Variants in EYA1 observed in about 807,000 individuals in gnomAD.
The protein encoded by EYA1 is EYA transcriptional coactivator and phosphatase 1.
In EYA1, 16 loss-of-function variants were observed where a neutral mutation model predicts 82.0. That is an observed-to-expected ratio of 0.20 (90% confidence interval 0.13 to 0.30). The LOEUF (loss-of-function observed/expected upper bound fraction) is 0.30. Ranked by LOEUF, EYA1 falls within the 10% of genes least tolerant of loss-of-function variation. The probability of loss-of-function intolerance (pLI) is 1.00; values close to 1 mark genes in which losing one functional copy is unlikely to be tolerated. For synonymous variants in EYA1, 261 were observed against 264.4 expected (o/e 0.99, Z 0.12); for missense variants, 633 against 730.7 (o/e 0.87, Z 1.54).
rs151264014 is a variant in EYA1 at position 71,214,087 on chromosome 8, G to A, written c.1597+1300C>T. 5.3e-3 allele frequency among the ~76,000 whole-genome samples: 809 copies of A among 152,212 alleles called. 10 individuals carry two copies. Among genetic ancestry groups the A allele is most frequent in the African/African-American group, 0.018 (761 of 41,528 alleles). ...AAGCACAGGAAGTGTAAAAGTGCAG[G>A]CAAACGGAAGTTAGACCTACAGGGA... On this transcript the variant is annotated intron_variant, in intron 16 of 17. Transcript: ENST00000340726.
At position 71,432,205 on chromosome 8, in the gene EYA1, C is replaced by T. The variant is rs999787786; in HGVS notation, c.34-75694G>A. 1.1e-3 allele frequency among the ~76,000 whole-genome samples: 160 copies of T among 152,114 alleles called. 1 individual carries two copies. The highest frequency in any genetic ancestry group is 3.5e-3 in the African/African-American group (145 of 41,476). On this transcript the variant is annotated intron_variant, in intron 2 of 18. Coordinates refer to the EYA1 transcript ENST00000643681. ...CTGTTCTGTTTTGCTTATTTGTATG[C>T]ATAGAACCTAGAGCAATGCTCTACA... is the stretch of plus-strand genomic sequence containing the variant.
rs1473798834 is a variant in EYA1, at chr8:71,197,574, A to G, written c.*1766T>C. The G allele has an allele frequency of 6.6e-6, 1 of 152,638 alleles. No homozygotes were observed. Among genetic ancestry groups the G allele is most frequent in the African/African-American group, 2.4e-5 (1 of 41,468 alleles). 9.5% of individuals were successfully genotyped at this position (152,638 alleles called of 1,614,324 possible). A position where few individuals can be genotyped will look rare whatever the true frequency, so the allele number is the denominator to read the frequency against. On this transcript the variant is annotated 3_prime_UTR_variant, in exon 18 of 18. Transcript: ENST00000340726. ...TCTTTTCAGTCTGCAGAGTACAAAA[A>G]CATAAAATGAAAAGGTTAAAAATTG... is the stretch of plus-strand genomic sequence containing the variant.
At chr8:71,450,505 C>T (rs1402070182) in intron 2 of EYA1, among the ~76,000 whole-genome samples, 6 of 152,042 alleles carry the variant, frequency 3.9e-5, no homozygotes, top group Non-Finnish European at 7.4e-5. Context: ...GTTTGTGGTG[C>T]CCCAGAACCT....
At chr8:71,286,752 C>A (rs1355691636) in intron 9 of EYA1, among the ~76,000 whole-genome samples, 1 of 149,714 alleles carries the variant, frequency 6.7e-6, no homozygotes, top group Non-Finnish European at 1.5e-5. Context: ...ATCAAACCTT[C>A]AAAGTTACGT....
At chr8:71,545,433 C>T (rs1351029355) in intron 1 of EYA1, among the ~76,000 whole-genome samples, 1 of 151,946 alleles carries the variant, frequency 6.6e-6, no homozygotes. Context: ...ACTAAGATAA[C>T]AATTAGTAAA....
intron 2 of EYA1, among the ~76,000 whole-genome samples, chr8:71,431,227 G>T (rs1040598124): frequency 1.3e-5 from 2 of 152,188 alleles, no homozygotes; most frequent in African/African-American, 4.8e-5. Context: ...ATTTATATCT[G>T]GTTAGGGGAG....
intron 2 of EYA1, among the ~76,000 whole-genome samples, chr8:71,398,983 C>A (rs1042274226): frequency 6.6e-6 from 1 of 152,228 alleles, no homozygotes; most frequent in Non-Finnish European, 1.5e-5. Context: ...CCTACTCAAG[C>A]CACAGCAATG....
intron 12 of EYA1, among the ~76,000 whole-genome samples, chr8:71,236,520 G>C (rs1160320630): frequency 6.6e-6 from 1 of 151,564 alleles, no homozygotes; most frequent in Non-Finnish European, 1.5e-5. Context: ...TTTTTAATCT[G>C]TTATTGGATA....
intron 2 of EYA1, among the ~76,000 whole-genome samples, chr8:71,514,333 T>C (rs1340274106): frequency 6.6e-6 from 1 of 152,124 alleles, no homozygotes; most frequent in East Asian, 1.9e-4. Context: ...TTTTAAAGTC[T>C]AATAGAATGA....
At chr8:71,472,125 C>T (rs1015607115) in intron 2 of EYA1, among the ~76,000 whole-genome samples, 4 of 152,126 alleles carry the variant, frequency 2.6e-5, no homozygotes, top group African/African-American at 7.2e-5. Flanking sequence ...TTTGCAACTG[C>T]GTTTCTCTCT....
chr8:71,322,461 T>C (rs909478428), intron 4 of EYA1, 193 bp from the exon 5 acceptor site: 3 of 598,324 alleles, frequency 5.0e-6, no homozygotes, highest in East Asian at 2.9e-5. Flanking sequence ...GAGGAATGAA[T>C]AGAAACTGAT....
chr8:71,527,277 TTG>T (rs1296580397), intron 2 of EYA1, among the ~76,000 whole-genome samples: 1 of 152,218 alleles, frequency 6.6e-6, no homozygotes, highest in African/African-American at 2.4e-5. Flanking sequence ...ACTTTGATGA[TTG>T]GTCTTCCTGC....
intron 11 of EYA1, among the ~76,000 whole-genome samples, chr8:71,268,747 A>C (rs905282801): frequency 1.3e-5 from 2 of 152,196 alleles, no homozygotes; most frequent in Admixed American, 6.5e-5. Flanking sequence ...TGTGAAGCTA[A>C]ATCCCCCAGA....
intron 11 of EYA1, among the ~76,000 whole-genome samples, chr8:71,246,916 C>T (rs563374435): frequency 2.6e-5 from 4 of 151,700 alleles, no homozygotes; most frequent in Admixed American, 2.0e-4. Context: ...TGCCCACACC[C>T]CTCCAGCACT....
At chr8:71,327,921 T>C (rs1241938062) in intron 4 of EYA1, among the ~76,000 whole-genome samples, 10 of 146,512 alleles carry the variant, frequency 6.8e-5, no homozygotes, top group African/African-American at 2.0e-4. Context: ...CAATGGTGCA[T>C]CTCAGCTCAC....
chr8:71,285,816 T>C (rs943137527), intron 9 of EYA1, among the ~76,000 whole-genome samples: 3 of 152,264 alleles, frequency 2.0e-5, no homozygotes, highest in African/African-American at 7.2e-5. Flanking sequence ...AATTTCTTCC[T>C]GAGCATGTCT....
At chr8:71,328,874 C>T (rs1823473271) in intron 4 of EYA1, among the ~76,000 whole-genome samples, 1 of 152,160 alleles carries the variant, frequency 6.6e-6, no homozygotes, top group Admixed American at 6.5e-5. Context: ...CACATCCTGG[C>T]CCCTTTTCCC....
chr8:71,324,219 G>T (rs1822900582), intron 4 of EYA1, among the ~76,000 whole-genome samples: 1 of 151,950 alleles, frequency 6.6e-6, no homozygotes, highest in African/African-American at 2.4e-5. Flanking sequence ...AAGATATCAG[G>T]GTTATGGGTT....
chr8:71,277,077 T>C (rs1238920842), intron 9 of EYA1, among the ~76,000 whole-genome samples: 2 of 150,980 alleles, frequency 1.3e-5, no homozygotes, highest in Non-Finnish European at 3.0e-5. Context: ...AATTATCTCA[T>C]TTCTCTGAAA....
Sources: gnomAD v4.1 joint callset for allele counts (sites outside exome capture counted in the v4.1 genomes callset) on GRCh38, gnomAD v4.1.1 for gene constraint, MANE v1.5 for transcripts, NCBI Gene and HGNC (gene_info 2026-07-23, HGNC 2026-07-21) for gene names.